The following SUMF1 variants were observed in gnomAD, a reference collection of about 807,000 sequenced individuals.
SUMF1 encodes the protein sulfatase modifying factor 1.
Under a neutral mutation model 47.6 loss-of-function variants are expected in SUMF1, and 48 were observed. The observed-to-expected ratio is 1.01, with a 90% CI of 0.80 to 1.28. SUMF1 has a LOEUF of 1.28. Among genes scored for constraint, SUMF1 ranks in the 50% most tolerant of loss-of-function variants. The pLI is 0.00. For missense variants in SUMF1, 571 were observed against 485.4 expected (o/e 1.18, Z -1.66); for synonymous variants, 230 against 192.1 (o/e 1.20, Z -1.63).
At chr3:4,458,557 C>A (rs1205227190) in intron 1 of SUMF1, among the ~76,000 whole-genome samples, 1 of 151,924 alleles carries the variant, frequency 6.6e-6, no homozygotes, top group Non-Finnish European at 1.5e-5. Context: ...TACTTTTTAG[C>A]CTTAAAAAGA....
At chr3:4,122,120 T>C (rs1290689223) in intron 8 of SUMF1, among the ~76,000 whole-genome samples, 1 of 152,118 alleles carries the variant, frequency 6.6e-6, no homozygotes, top group African/African-American at 2.4e-5. Flanking sequence ...CTGACACTGA[T>C]GGACATTTAG....
chr3:4,369,063 A>C (rs1618150), intron 8 of SUMF1, among the ~76,000 whole-genome samples: 6 of 145,480 alleles, frequency 4.1e-5, no homozygotes, highest in African/African-American at 7.7e-5. Flanking sequence ...TTTTTTTTTT[A>C]AATTATTCTC....
intron 8 of SUMF1, among the ~76,000 whole-genome samples, chr3:4,198,415 G>C (rs927167635): frequency 3.3e-5 from 5 of 152,076 alleles, no homozygotes; most frequent in Non-Finnish European, 7.4e-5. Context: ...AACAGTCTCA[G>C]TTTGAAAGTA....
chr3:4,177,961 G>C (rs1399287936), intron 8 of SUMF1, among the ~76,000 whole-genome samples: 1 of 152,052 alleles, frequency 6.6e-6, no homozygotes, highest in Admixed American at 6.5e-5. Context: ...TAAATTCCTG[G>C]ACACATACAC....
At chr3:4,364,654 G>C (rs1377073235) in intron 8 of SUMF1, among the ~76,000 whole-genome samples, 46 of 150,542 alleles carry the variant, frequency 3.1e-4, no homozygotes, top group African/African-American at 1.1e-3. Context: ...TATCAATTTT[G>C]TTGATCCTTT....
At chr3:4,084,503 G>T (rs1247006112) in intron 8 of SUMF1, among the ~76,000 whole-genome samples, 2 of 152,018 alleles carry the variant, frequency 1.3e-5, no homozygotes, top group Non-Finnish European at 2.9e-5. Flanking sequence ...AACTTTCCCA[G>T]ACACAGGATA....
At chr3:4,072,198 G>A (rs1467054038) in intron 8 of SUMF1, among the ~76,000 whole-genome samples, 1 of 152,198 alleles carries the variant, frequency 6.6e-6, no homozygotes, top group Non-Finnish European at 1.5e-5. Flanking sequence ...CTGCAGCTAA[G>A]TGGCCTGACT....
Position 4,467,188 on chromosome 3 carries a change from G to C in SUMF1, c.58C>G (p.Leu20Val), listed in dbSNP as rs200142963. 2 of 1,610,692 alleles carry C rather than the reference G, an allele frequency of 1.2e-6. No individual in the cohort carries two copies. The highest frequency in any genetic ancestry group is 1.7e-5 in the Admixed American group (1 of 59,776). ...CGRCPELGLVLLLLLLSLLCG... is the reference protein window; with the variant it reads ...CGRCPELGLVVLLLLLSLLCG... ...AGCAGCGAGAGCAGCAGCAGCAAGA[G>C]GACGAGACCCAGCTCAGGGCAACGT... Residue 20 changes from leucine to valine, a missense_variant, in exon 1 of 9, where the codon CTC becomes GTC. Physicochemically the swap from Leu to Val is conservative, Grantham distance 32. Transcript: ENST00000272902.
chr3:4,441,873 TACGTATAAAACCAG>T (rs1189036538), intron 3 of SUMF1, among the ~76,000 whole-genome samples: 1 of 152,188 alleles, frequency 6.6e-6, no homozygotes, highest in Non-Finnish European at 1.5e-5. Context: ...CTCGCCTCTC[TACGTATAAAACCAG>T]ACAGAACAAC....
chr3:4,329,765 GTTT>G (rs67442713), intron 8 of SUMF1, among the ~76,000 whole-genome samples: 1 of 147,636 alleles, frequency 6.8e-6, no homozygotes, highest in Non-Finnish European at 1.5e-5. Context: ...CTTAGAAAAT[GTTT>G]TTTTTTTTTC....
chr3:4,441,891 GAAC>G (rs541339560), intron 3 of SUMF1, among the ~76,000 whole-genome samples: 54 of 152,284 alleles, frequency 3.5e-4, no homozygotes, highest in Non-Finnish European at 5.7e-4. Context: ...AAACCAGACA[GAAC>G]AACTAGAGAG....
At chr3:4,304,946 T>C (rs192152921) in intron 8 of SUMF1, among the ~76,000 whole-genome samples, 26 of 147,672 alleles carry the variant, frequency 1.8e-4, no homozygotes, top group Admixed American at 8.8e-4. Context: ...TGGGTTTGGT[T>C]CAGAAGGCGG....
At chr3:4,170,937 TA>T (rs1694820130) in intron 8 of SUMF1, among the ~76,000 whole-genome samples, 2 of 152,184 alleles carry the variant, frequency 1.3e-5, no homozygotes, top group South Asian at 4.1e-4. Context: ...AACATTTTTA[TA>T]AGATGGAAAA....
rs187541944 is a variant in SUMF1 at position 4,072,369 on chromosome 3, T to A, written c.1015-3624A>T. On this transcript the variant is annotated intron_variant and NMD_transcript_variant, in intron 8 of 12. Coordinates refer to the SUMF1 transcript ENST00000448413. The stretch of plus-strand genomic sequence containing the variant: ...CCAAAAGTAGATAAAACCAAAAAGA[T>A]GAGGAGAAACCAGAGCAGAAAGCCT... Among the ~76,000 whole-genome samples the A allele has an allele frequency of 1.2e-3, 183 of 152,102 alleles. 1 individual carries two copies. The highest frequency in any genetic ancestry group is 6.7e-3 in the Admixed American group (102 of 15,288).
chr3:4,420,031 C>T (rs760894386), intron 4 of SUMF1, 33 bp downstream of exon 4: 6 of 1,595,298 alleles, frequency 3.8e-6, no homozygotes, highest in East Asian at 2.2e-5. Context: ...TGCAATGGAA[C>T]TTGTCAACTG....
In SUMF1 at chr3:4,399,879, T is replaced by G. The variant is rs1701153306; in HGVS notation, c.954+10986A>C. 2.0e-5 allele frequency among the ~76,000 whole-genome samples: 3 copies of G among 152,156 alleles called. No individual in the cohort carries two copies. The South Asian group carries it at 6.2e-4, about 32-fold the overall frequency. On this transcript the variant is annotated intron_variant, in intron 7 of 8. Coordinates refer to ENST00000272902, the MANE Select transcript of SUMF1 (RefSeq NM_182760.4). ...TTCAAGTGATTCTTGTGCCTTAGCC[T>G]CCCAAGTAGCTGGGACTACAGGCCC...
At chr3:4,411,032 C>T in intron 6 of SUMF1, 54 bp from the exon 7 acceptor site, 1 of 1,384,826 alleles carries the variant, frequency 7.2e-7, no homozygotes, top group Non-Finnish European at 1.0e-6. Flanking sequence ...GTTTAAAAAA[C>T]ATCTTCAGTG....
intron 8 of SUMF1, among the ~76,000 whole-genome samples, chr3:4,166,113 C>G (rs974442601): frequency 2.6e-5 from 4 of 152,062 alleles, no homozygotes; most frequent in African/African-American, 4.8e-5. Flanking sequence ...AGACCTGCAC[C>G]CTTGTCTTTC....
At chr3:4,368,745 C>G (rs1700070761) in intron 8 of SUMF1, among the ~76,000 whole-genome samples, 1 of 152,204 alleles carries the variant, frequency 6.6e-6, no homozygotes, top group Non-Finnish European at 1.5e-5. Context: ...GCACATATCC[C>G]TGACTACCTA....
Sources: allele counts gnomAD v4.1 joint callset (sites outside exome capture counted in the v4.1 genomes callset), GRCh38; gene constraint gnomAD v4.1.1; transcripts MANE v1.5; gene names NCBI Gene and HGNC (gene_info 2026-07-23, HGNC 2026-07-21).